The following PSMA5 variants were observed in gnomAD, a reference collection of about 807,000 sequenced individuals.
PSMA5 encodes the protein proteasome 20S subunit alpha 5.
PSMA5 carries 3 observed loss-of-function variants against 34.5 expected under a neutral mutation model. The observed-to-expected ratio is 0.09, with a 90% CI of 0.04 to 0.22. PSMA5 has a LOEUF of 0.22. Ranked by LOEUF, PSMA5 falls within the 10% of genes least tolerant of loss-of-function variation. The probability of loss-of-function intolerance (pLI) is 1.00; values close to 1 mark genes in which losing one functional copy is unlikely to be tolerated. For synonymous variants in PSMA5, 88 were observed against 95.8 expected (o/e 0.92, Z 0.47); for missense variants, 120 against 286.1 (o/e 0.42, Z 4.19).
chr1:109,421,068 C>T (rs1447745242), intron 2 of PSMA5, among the ~76,000 whole-genome samples: 2 of 150,590 alleles, frequency 1.3e-5, no homozygotes, highest in Non-Finnish European at 3.0e-5. Context: ...CACATCTGTA[C>T]CCTAGCTGCT....
chr1:109,426,223 G>A (rs370425295), intron 1 of PSMA5, 79 bp downstream of exon 1: 7 of 1,576,678 alleles, frequency 4.4e-6, no homozygotes, highest in Non-Finnish European at 4.4e-6. Flanking sequence ...CCCATGACAC[G>A]GCAGAACCCA....
At chr1:109,403,335 A>G (rs1238576801) in intron 8 of PSMA5, among the ~76,000 whole-genome samples, 3 of 152,130 alleles carry the variant, frequency 2.0e-5, no homozygotes, top group African/African-American at 7.2e-5. Context: ...TTTAAAATTA[A>G]ACACATGGCT....
In PSMA5 at chr1:109,421,855, T is replaced by C; in HGVS notation, c.96+5A>G. On this transcript the variant is annotated splice_donor_5th_base_variant and intron_variant, in intron 2 of 8. Transcript: ENST00000271308. ...TTTCAGGACCTATGCTACTTGCTAC[T>C]ATACCTTGATAGCCTCAATGGCATA... 6.4e-7 allele frequency: 1 copy of C among 1,555,594 alleles called. No homozygotes were observed. The highest frequency in any genetic ancestry group is 8.6e-7 in the Non-Finnish European group (1 of 1,158,484).
intron 8 of PSMA5, among the ~76,000 whole-genome samples, chr1:109,406,388 G>T (rs1653763625): frequency 6.6e-6 from 1 of 152,152 alleles, no homozygotes; most frequent in Admixed American, 6.5e-5. Context: ...TGCAACACAG[G>T]TGAATCTCAA....
chr1:109,412,892 T>C lies in PSMA5; in HGVS notation c.291+176A>G, dbSNP rs1012986734. 4.7e-5 allele frequency: 27 copies of C among 573,680 alleles called. No individual in the cohort carries two copies. In the Admixed American group the frequency reaches 5.7e-4, roughly 12 times the overall value. The allele number at this position is 573,680 out of a possible 1,614,324, so 35.5% of individuals were successfully genotyped here. On this transcript the variant is annotated intron_variant, in intron 4 of 8. Coordinates refer to ENST00000271308, the MANE Select transcript of PSMA5 (RefSeq NM_002790.4). The stretch of plus-strand genomic sequence containing the variant: ...CAGAGCCTCTTTAAAACTGCAATGA[T>C]TGGACAGCTAAACTCCAAGCCCCAG...
intron 6 of PSMA5, among the ~76,000 whole-genome samples, chr1:109,411,453 C>T (rs553515157): frequency 6.6e-6 from 1 of 152,262 alleles, no homozygotes; most frequent in East Asian, 1.9e-4. Context: ...CAAGTTACTT[C>T]TAATTCCTTC....
chr1:109,413,632 G>A (rs935649113), intron 3 of PSMA5, among the ~76,000 whole-genome samples: 3 of 152,184 alleles, frequency 2.0e-5, no homozygotes, highest in Non-Finnish European at 4.4e-5. Flanking sequence ...AAGCTGTCAC[G>A]ATTATGGCTA....
At chr1:109,407,557 G>A (rs1455424128) in intron 8 of PSMA5, among the ~76,000 whole-genome samples, 1 of 152,172 alleles carries the variant, frequency 6.6e-6, no homozygotes, top group Non-Finnish European at 1.5e-5. Flanking sequence ...ATTTTCTCAT[G>A]AGTGTGGTCA....
At chr1:109,408,734 A>G (rs762558704) in intron 8 of PSMA5, among the ~76,000 whole-genome samples, 1 of 150,378 alleles carries the variant, frequency 6.6e-6, no homozygotes, top group African/African-American at 2.5e-5. Flanking sequence ...TCTGTCGCCC[A>G]GGCTGGAGTG....
chr1:109,419,859 G>A (rs992418243), intron 2 of PSMA5, among the ~76,000 whole-genome samples: 32 of 149,850 alleles, frequency 2.1e-4, no homozygotes, highest in Non-Finnish European at 3.8e-4. Flanking sequence ...CTGTAGTCCC[G>A]GCTACTTTGG....
In PSMA5 at chr1:109,421,741, T is replaced by C. The variant is rs1654454674; in HGVS notation, c.96+119A>G. 6.3e-6 allele frequency: 5 copies of C among 789,414 alleles called. No homozygotes were observed. In the East Asian group the frequency reaches 1.5e-4, roughly 23 times the overall value. The allele number at this position is 789,414 out of a possible 1,614,324, so 48.9% of individuals were successfully genotyped here. A position where few individuals can be genotyped will look rare whatever the true frequency, so the allele number is the denominator to read the frequency against. ...ATAAAAATGGTTAACAGTGGTTGCTTAAAGGGATATAAGAACATTTTCTAA... is the reference window on the plus strand; with the variant it reads ...ATAAAAATGGTTAACAGTGGTTGCTCAAAGGGATATAAGAACATTTTCTAA... On this transcript the variant is annotated intron_variant, in intron 2 of 8. Coordinates refer to ENST00000271308, the MANE Select transcript of PSMA5 (RefSeq NM_002790.4).
At chr1:109,412,899 GCTAAA>G (rs1176581834) in intron 4 of PSMA5, 164 bp downstream of exon 4, 2 of 588,976 alleles carry the variant, frequency 3.4e-6, no homozygotes, top group Non-Finnish European at 6.0e-6. Context: ...TGATTGGACA[GCTAAA>G]CTCCAAGCCC....
Position 109,402,002 on chromosome 1 carries a change from A to C in PSMA5, c.*11T>G. On this transcript the variant is annotated 3_prime_UTR_variant, in exon 9 of 9. Coordinates refer to ENST00000271308, the MANE Select transcript of PSMA5 (RefSeq NM_002790.4). ...AAATTGTCCCAGAGAAGTTCTGAGG[A>C]TCAGGATTCCTTAAATGTCCTTGAT... The C allele has an allele frequency of 6.3e-7, 1 of 1,589,102 alleles. No individual in the cohort carries two copies. Among genetic ancestry groups the C allele is most frequent in the East Asian group, 2.3e-5 (1 of 44,436 alleles).
intron 2 of PSMA5, among the ~76,000 whole-genome samples, chr1:109,419,962 G>A (rs2100972235): frequency 7.0e-6 from 1 of 142,340 alleles, no homozygotes; most frequent in Non-Finnish European, 1.5e-5. Context: ...GACAGAGCAA[G>A]ACTCTGTCTC....
At chr1:109,417,015 G>A (rs1654233644) in intron 2 of PSMA5, among the ~76,000 whole-genome samples, 1 of 152,188 alleles carries the variant, frequency 6.6e-6, no homozygotes, top group South Asian at 2.1e-4. Context: ...TGAAACGGTA[G>A]GACTGCTTGA....
chr1:109,411,538 A>T (rs558991548), intron 6 of PSMA5, among the ~76,000 whole-genome samples: 1 of 148,256 alleles, frequency 6.7e-6, no homozygotes, highest in Non-Finnish European at 1.5e-5. Flanking sequence ...TAGAATCACT[A>T]AACTTTAGTA....
intron 2 of PSMA5, among the ~76,000 whole-genome samples, chr1:109,417,908 T>A (rs977782517): frequency 6.6e-6 from 1 of 152,288 alleles, no homozygotes; most frequent in Middle Eastern, 3.4e-3. Flanking sequence ...CATTTTGATA[T>A]CTACTGCTCT....
rs115769067 is a variant in PSMA5 at position 109,413,542 on chromosome 1, G to A, written c.224-407C>T. Among the ~76,000 whole-genome samples the A allele has an allele frequency of 3.5e-3, 535 of 152,254 alleles. 2 individuals are homozygous for A. The highest frequency in any genetic ancestry group is 0.012 in the African/African-American group (518 of 41,552). ...CTATGGACTACAGTGGAGGACTCTC[G>A]AATAAATCAAAAGCCTTTTGCCTCT... On this transcript the variant is annotated intron_variant, in intron 3 of 8. Transcript: ENST00000271308.
At chr1:109,414,038 T>C (rs540557300) in intron 3 of PSMA5, among the ~76,000 whole-genome samples, 3 of 152,336 alleles carry the variant, frequency 2.0e-5, no homozygotes, top group African/African-American at 7.2e-5. Context: ...TTCCCATCCT[T>C]GCAAAAGGAT....
Sources: allele counts gnomAD v4.1 joint callset (sites outside exome capture counted in the v4.1 genomes callset), GRCh38; gene constraint gnomAD v4.1.1; transcripts MANE v1.5; gene names NCBI Gene and HGNC (gene_info 2026-07-23, HGNC 2026-07-21).